The following ASIC2 variants were observed in gnomAD, a reference collection of about 807,000 sequenced individuals.
ASIC2 encodes acid sensing ion channel subunit 2, also known as acid-sensing ion channel 2.
In ASIC2, 25 loss-of-function variants were observed where a neutral mutation model predicts 57.3. The ratio of observed to expected loss-of-function variants is 0.44; its 90% confidence interval spans 0.32 to 0.61. The LOEUF (loss-of-function observed/expected upper bound fraction) is 0.61, where lower values mean the gene tolerates loss of function less well. ASIC2 is among the 20% of genes least tolerant of loss of function. ASIC2 has a pLI of 0.06. For synonymous variants in ASIC2, 319 were observed against 307.5 expected (o/e 1.04, Z -0.39); for missense variants, 641 against 738.1 (o/e 0.87, Z 1.52).
At chr17:33,690,397 G>C (rs973774059) in intron 1 of ASIC2, among the ~76,000 whole-genome samples, 2 of 152,202 alleles carry the variant, frequency 1.3e-5, no homozygotes, top group Non-Finnish European at 2.9e-5. Context: ...GGATGGCTAG[G>C]ACAGTTGGGG....
intron 1 of ASIC2, among the ~76,000 whole-genome samples, chr17:34,074,450 A>C (rs1909546117): frequency 6.6e-6 from 1 of 152,160 alleles, no homozygotes; most frequent in Admixed American, 6.5e-5. Flanking sequence ...ATTCTGCTCT[A>C]GCACCCTCTC....
chr17:33,111,933 G>A lies in ASIC2; in HGVS notation c.843C>T (p.Pro281=), dbSNP rs207476368. 1 of 1,612,938 alleles carries A rather than the reference G, an allele frequency of 6.2e-7. No homozygotes were observed. Among genetic ancestry groups the A allele is most frequent in the Non-Finnish European group, 8.5e-7 (1 of 1,179,476 alleles). ...MLDIQQDEYL[P]IWGETEETTF... ...CCAGCTCACCTGTCTCTCCCCAGAT[G>A]GGCAGGTACTCATCCTGCTGAATGT... Residue 281 remains proline, a synonymous_variant, in exon 2 of 10, where the codon CCC becomes CCT. Transcript: ENST00000225823.
chr17:34,100,449 TA>T (rs1182059365), intron 1 of ASIC2, among the ~76,000 whole-genome samples: 8 of 152,198 alleles, frequency 5.3e-5, no homozygotes, highest in Admixed American at 5.2e-4. Flanking sequence ...CATTCATTAT[TA>T]AAACACATTG....
At chr17:33,901,771 G>T (rs937694436) in intron 1 of ASIC2, among the ~76,000 whole-genome samples, 1 of 152,090 alleles carries the variant, frequency 6.6e-6, no homozygotes, top group Non-Finnish European at 1.5e-5. Context: ...ATATTGATCT[G>T]GTTTCCAGGA....
chr17:33,440,624 T>A (rs1911790708), intron 1 of ASIC2, among the ~76,000 whole-genome samples: 1 of 152,176 alleles, frequency 6.6e-6, no homozygotes, highest in African/African-American at 2.4e-5. Flanking sequence ...CAACACGAAG[T>A]ATATCGTTGG....
At position 33,875,645 on chromosome 17, in the gene ASIC2, T is replaced by C. The variant is rs151227841; in HGVS notation, c.555+280333A>G. On this transcript the variant is annotated intron_variant, in intron 1 of 9. Coordinates refer to the ASIC2 transcript ENST00000359872. The stretch of plus-strand genomic sequence containing the variant: ...GCTAGTCATTTTCTTGCTCCTCTCC[T>C]TAAATCTTTTTCCTGACCTGCCCTC... 5.3e-5 allele frequency among the ~76,000 whole-genome samples: 8 copies of C among 152,280 alleles called. No homozygotes were observed. The East Asian group carries it at 1.4e-3, about 26-fold the overall frequency.
At chr17:34,123,665 G>A (rs1341163966) in intron 1 of ASIC2, among the ~76,000 whole-genome samples, 2 of 152,218 alleles carry the variant, frequency 1.3e-5, no homozygotes, top group East Asian at 1.9e-4. Flanking sequence ...GGTCTTGCAA[G>A]TCTCAGCTTT....
chr17:33,579,093 T>C (rs1025879370), intron 1 of ASIC2, among the ~76,000 whole-genome samples: 2 of 149,128 alleles, frequency 1.3e-5, no homozygotes, highest in East Asian at 1.9e-4. Context: ...CAGACCAGTC[T>C]GGCCAACATG....
intron 1 of ASIC2, among the ~76,000 whole-genome samples, chr17:34,019,187 T>G (rs1358548045): frequency 6.6e-6 from 1 of 151,930 alleles, no homozygotes; most frequent in South Asian, 2.1e-4. Flanking sequence ...GATTACAGGC[T>G]TGAGCCACCA....
At chr17:33,802,769 G>C (rs548700371) in intron 1 of ASIC2, among the ~76,000 whole-genome samples, 1 of 152,370 alleles carries the variant, frequency 6.6e-6, no homozygotes, top group South Asian at 2.1e-4. Flanking sequence ...TAGAGGCCAG[G>C]GACATGCTGT....
At chr17:33,482,722 T>C (rs1286066425) in intron 1 of ASIC2, among the ~76,000 whole-genome samples, 1 of 152,146 alleles carries the variant, frequency 6.6e-6, no homozygotes, top group South Asian at 2.1e-4. Flanking sequence ...ACCCCAGCTG[T>C]GCCCTTGTTC....
intron 1 of ASIC2, among the ~76,000 whole-genome samples, chr17:33,894,841 G>T (rs1311711587): frequency 1.3e-5 from 2 of 152,160 alleles, no homozygotes; most frequent in African/African-American, 4.8e-5. Flanking sequence ...AATGAGACAG[G>T]ATGAAATCCC....
chr17:33,364,579 A>G (rs1027330426), intron 1 of ASIC2, among the ~76,000 whole-genome samples: 1 of 152,120 alleles, frequency 6.6e-6, no homozygotes, highest in Non-Finnish European at 1.5e-5. Context: ...AAAAGTGTGC[A>G]GCACTTCCCC....
At chr17:33,200,735 G>GC (rs1480504321) in intron 1 of ASIC2, among the ~76,000 whole-genome samples, 1 of 151,964 alleles carries the variant, frequency 6.6e-6, no homozygotes, top group Non-Finnish European at 1.5e-5. Flanking sequence ...TTCCACCCTT[G>GC]CCCCCTGCAG....
At chr17:33,924,835 C>A (rs1915790463) in intron 1 of ASIC2, among the ~76,000 whole-genome samples, 1 of 152,204 alleles carries the variant, frequency 6.6e-6, no homozygotes, top group African/African-American at 2.4e-5. Context: ...TCAACTGGAA[C>A]CCAGACTCTG....
chr17:33,059,737 T>C (rs1270034833), intron 3 of ASIC2, among the ~76,000 whole-genome samples: 1 of 152,372 alleles, frequency 6.6e-6, no homozygotes, highest in East Asian at 1.9e-4. Context: ...ATCACCACAC[T>C]GTCTTCCACA....
At chr17:33,557,277 A>G (rs1160006233) in intron 1 of ASIC2, among the ~76,000 whole-genome samples, 1 of 152,124 alleles carries the variant, frequency 6.6e-6, no homozygotes, top group Non-Finnish European at 1.5e-5. Flanking sequence ...ATATTACTCT[A>G]AAGTCCCTGC....
At chr17:33,690,818 T>A (rs140105315) in intron 1 of ASIC2, among the ~76,000 whole-genome samples, 1 of 147,564 alleles carries the variant, frequency 6.8e-6, no homozygotes, top group Non-Finnish European at 1.5e-5. Flanking sequence ...GGCGCAATCT[T>A]GGCTCACTGC....
At chr17:34,039,364 C>T (rs1796741142) in intron 1 of ASIC2, 1 of 1,613,940 alleles carries the variant, frequency 6.2e-7, no homozygotes, top group South Asian at 1.1e-5. Flanking sequence ...GAAGCAGAGG[C>T]CAGCTCCCCT....
Sources: gnomAD v4.1 joint callset for allele counts (sites outside exome capture counted in the v4.1 genomes callset) on GRCh38, gnomAD v4.1.1 for gene constraint, MANE v1.5 for transcripts, NCBI Gene and HGNC (gene_info 2026-07-23, HGNC 2026-07-21) for gene names.